SEMA5A: variants seen among roughly 807,000 people sequenced by gnomAD.
The protein encoded by SEMA5A is semaphorin 5A.
Under a neutral mutation model 135.5 loss-of-function variants are expected in SEMA5A, and 55 were observed. The observed-to-expected ratio is 0.41, with a 90% confidence interval of 0.33 to 0.51. SEMA5A has a LOEUF of 0.51. SEMA5A is among the 20% of genes least tolerant of loss of function. The probability of loss-of-function intolerance (pLI) is 0.37; values close to 1 mark genes in which losing one functional copy is unlikely to be tolerated. For missense variants in SEMA5A, 1,290 were observed against 1,419.9 expected (o/e 0.91, Z 1.47); for synonymous variants, 580 against 546.5 (o/e 1.06, Z -0.85).
At chr5:9,376,389 A>G (rs1755364649) in intron 3 of SEMA5A, among the ~76,000 whole-genome samples, 2 of 152,138 alleles carry the variant, frequency 1.3e-5, no homozygotes, top group Admixed American at 6.5e-5. Context: ...CTCTCCTTTC[A>G]TAAGTTTTGT....
intron 1 of SEMA5A, among the ~76,000 whole-genome samples, chr5:9,463,024 C>T (rs1759115253): frequency 6.8e-6 from 1 of 147,394 alleles, no homozygotes; most frequent in African/African-American, 2.5e-5. Flanking sequence ...CTCCCTGGGA[C>T]ATGAACAATA....
At chr5:9,131,099 T>C (rs1463455946) in intron 13 of SEMA5A, among the ~76,000 whole-genome samples, 2 of 152,200 alleles carry the variant, frequency 1.3e-5, no homozygotes, top group Non-Finnish European at 2.9e-5. Context: ...ACATGATGTA[T>C]AGCTCATTTT....
chr5:9,116,442 AAAAG>A (rs1251051885), intron 15 of SEMA5A, among the ~76,000 whole-genome samples: 1 of 152,240 alleles, frequency 6.6e-6, no homozygotes, highest in African/African-American at 2.4e-5. Context: ...TCAGAAGAGA[AAAAG>A]AAACTGTCTA....
chr5:9,368,747 G>A (rs573496507), intron 3 of SEMA5A, among the ~76,000 whole-genome samples: 41 of 152,158 alleles, frequency 2.7e-4, no homozygotes, highest in African/African-American at 9.2e-4. Flanking sequence ...CCTTTTTATT[G>A]CCCAGTAGTT....
At chr5:9,201,798 T>C (rs1003874273) in intron 9 of SEMA5A, among the ~76,000 whole-genome samples, 157 bp downstream of exon 9, 42 of 152,318 alleles carry the variant, frequency 2.8e-4, no homozygotes, top group African/African-American at 1.0e-3. Context: ...TTATCTAACA[T>C]GTAGTCTACT....
intron 4 of SEMA5A, among the ~76,000 whole-genome samples, chr5:9,330,366 G>A (rs1229363248): frequency 6.6e-6 from 1 of 150,732 alleles, no homozygotes; most frequent in Non-Finnish European, 1.5e-5. Flanking sequence ...CTCCAGCCTG[G>A]GCGACAGAGC....
In SEMA5A at chr5:9,230,368, G is replaced by A. The variant is rs542090498; in HGVS notation, c.334-3401C>T. 2.0e-5 allele frequency among the ~76,000 whole-genome samples: 3 copies of A among 152,178 alleles called. No individual in the cohort carries two copies. The East Asian group carries it at 5.8e-4, about 29-fold the overall frequency. ...AGAACCAGCATGTTGGTCAGAATGTGTGATAACCATGGTAACCATGGTGCA... is the reference window on the plus strand; with the variant it reads ...AGAACCAGCATGTTGGTCAGAATGTATGATAACCATGGTAACCATGGTGCA... On this transcript the variant is annotated intron_variant, in intron 6 of 22. Coordinates refer to ENST00000382496, the MANE Select transcript of SEMA5A (RefSeq NM_003966.3).
chr5:9,170,622 G>T (rs140630115), intron 11 of SEMA5A, among the ~76,000 whole-genome samples: 155 of 152,130 alleles, frequency 1.0e-3, no homozygotes, highest in African/African-American at 3.6e-3. Flanking sequence ...AGGTCTCAGA[G>T]CCCTGCCTTG....
rs890616271 is a variant in SEMA5A at position 9,280,804 on chromosome 5, A to G, written c.270+37568T>C. On this transcript the variant is annotated intron_variant, in intron 5 of 22. Coordinates refer to ENST00000382496, the MANE Select transcript of SEMA5A (RefSeq NM_003966.3). ...CAATACTCACCCAATTGTCTTCCTCAGACCTGGAAGGAAATTGTTCCAATT... is the reference window on the plus strand; with the variant it reads ...CAATACTCACCCAATTGTCTTCCTCGGACCTGGAAGGAAATTGTTCCAATT... 20 of 431,604 alleles carry G rather than the reference A, an allele frequency of 4.6e-5. 1 individual carries two copies. Among genetic ancestry groups the G allele is most frequent in the Middle Eastern group, 3.4e-4 (1 of 2,976 alleles). The allele number at this position is 431,604 out of a possible 1,614,324, so 26.7% of individuals were successfully genotyped here.
intron 12 of SEMA5A, among the ~76,000 whole-genome samples, chr5:9,137,617 A>G (rs1000200048): frequency 6.6e-6 from 1 of 152,202 alleles, no homozygotes; most frequent in African/African-American, 2.4e-5. Flanking sequence ...AGACAATGCC[A>G]GCATGGAGGT....
intron 1 of SEMA5A, among the ~76,000 whole-genome samples, chr5:9,507,873 G>A (rs1358103808): frequency 6.6e-6 from 1 of 151,962 alleles, no homozygotes; most frequent in Admixed American, 6.6e-5. Context: ...GCATGGTGGC[G>A]GGCGCCTGTA....
intron 12 of SEMA5A, among the ~76,000 whole-genome samples, chr5:9,151,805 T>C (rs1742649888): frequency 6.6e-6 from 1 of 152,238 alleles, no homozygotes; most frequent in South Asian, 2.1e-4. Flanking sequence ...TTCTTACTGC[T>C]TCTCTCAGAG....
intron 16 of SEMA5A, among the ~76,000 whole-genome samples, chr5:9,082,076 A>G (rs1227491697): frequency 2.0e-5 from 3 of 152,206 alleles, no homozygotes; most frequent in Admixed American, 2.0e-4. Context: ...CTTCTTGCAA[A>G]TGCTGCCAGG....
Position 9,380,010 on chromosome 5 carries a change from T to G in SEMA5A, c.-64A>C. 6.5e-7 allele frequency: 1 copy of G among 1,538,366 alleles called. No individual in the cohort carries two copies. The highest frequency in any genetic ancestry group is 8.8e-7 in the Non-Finnish European group (1 of 1,140,762). On this transcript the variant is annotated 5_prime_UTR_variant, in exon 3 of 23. The change abolishes an upstream ATG in the 5' untranslated region. Transcript: ENST00000382496. ...TAAACAGAAGCTCTTCTTCTCCTCA[T>G]GTGTGGAAAGTGCCTAAAACACACA...
At chr5:9,351,115 T>C (rs1246310064) in intron 3 of SEMA5A, among the ~76,000 whole-genome samples, 3 of 152,222 alleles carry the variant, frequency 2.0e-5, no homozygotes, top group Admixed American at 2.0e-4. Flanking sequence ...TACCTGCTTA[T>C]CTAGGAAGAG....
chr5:9,304,496 TA>T (rs1233726260), intron 5 of SEMA5A, among the ~76,000 whole-genome samples: 3 of 120,050 alleles, frequency 2.5e-5, no homozygotes, highest in African/African-American at 8.2e-5. Context: ...ACTCAATTCA[TA>T]AAGAAATCTG....
chr5:9,374,031 T>C (rs948432999), intron 3 of SEMA5A, among the ~76,000 whole-genome samples: 3 of 152,238 alleles, frequency 2.0e-5, no homozygotes, highest in Non-Finnish European at 4.4e-5. Flanking sequence ...GTCACTATTT[T>C]TCCCCTCTTT....
chr5:9,361,027 A>G (rs1215325907), intron 3 of SEMA5A, among the ~76,000 whole-genome samples: 1 of 152,170 alleles, frequency 6.6e-6, no homozygotes, highest in Non-Finnish European at 1.5e-5. Flanking sequence ...GGCCAGGCGC[A>G]GTGGCACATG....
intron 1 of SEMA5A, among the ~76,000 whole-genome samples, chr5:9,504,070 C>A (rs1409230873): frequency 6.6e-6 from 1 of 151,786 alleles, no homozygotes; most frequent in South Asian, 2.1e-4. Context: ...CAAAAATTAG[C>A]CAGGCATGGT....
Sources: gnomAD v4.1 joint callset for allele counts (sites outside exome capture counted in the v4.1 genomes callset) on GRCh38, gnomAD v4.1.1 for gene constraint, MANE v1.5 for transcripts, NCBI Gene and HGNC (gene_info 2026-07-23, HGNC 2026-07-21) for gene names.